GPC6: variants seen among roughly 807,000 people sequenced by gnomAD.
GPC6 encodes glypican 6.
In GPC6, 14 loss-of-function variants were observed where a neutral mutation model predicts 55.2. The ratio of observed to expected loss-of-function variants is 0.25; its 90% confidence interval spans 0.17 to 0.40. The LOEUF is 0.40. Ranked by LOEUF, GPC6 falls within the 10% of genes least tolerant of loss-of-function variation. The probability of loss-of-function intolerance (pLI) is 1.00; values close to 1 mark genes in which losing one functional copy is unlikely to be tolerated. For synonymous variants in GPC6, 278 were observed against 259.6 expected (o/e 1.07, Z -0.68); for missense variants, 641 against 708.5 (o/e 0.90, Z 1.08).
chr13:93,514,145 T>C (rs1881094701), intron 1 of GPC6, among the ~76,000 whole-genome samples: 1 of 152,090 alleles, frequency 6.6e-6, no homozygotes, highest in African/African-American at 2.4e-5. Context: ...AATGCTGGGA[T>C]TACAGGTGTG....
At chr13:94,124,679 G>A (rs1264091149) in intron 4 of GPC6, among the ~76,000 whole-genome samples, 1 of 152,098 alleles carries the variant, frequency 6.6e-6, no homozygotes. Flanking sequence ...TCACATTCAA[G>A]AGTTTGAACC....
chr13:93,575,464 C>T (rs1466274092), intron 2 of GPC6, among the ~76,000 whole-genome samples: 1 of 152,146 alleles, frequency 6.6e-6, no homozygotes, highest in African/African-American at 2.4e-5. Context: ...CCCTCAGTCC[C>T]AGAGTTTCAG....
At chr13:93,798,695 G>T (rs1472650236) in intron 2 of GPC6, among the ~76,000 whole-genome samples, 1 of 152,064 alleles carries the variant, frequency 6.6e-6, no homozygotes, top group African/African-American at 2.4e-5. Context: ...GAGGCAGGCA[G>T]ATCACCTGAG....
chr13:94,187,158 C>G (rs938718982), intron 4 of GPC6: 2 of 152,130 alleles, frequency 1.3e-5, no homozygotes, highest in African/African-American at 4.8e-5. Context: ...AGTTTTTATT[C>G]TTGGTGCCTT....
At chr13:93,798,851 G>A (rs915020591) in intron 2 of GPC6, among the ~76,000 whole-genome samples, 4 of 147,076 alleles carry the variant, frequency 2.7e-5, no homozygotes, top group Non-Finnish European at 4.4e-5. Context: ...CCCAGGAGGC[G>A]GAGGTTGCAA....
In GPC6 at chr13:93,782,931, A is replaced by G. The variant is rs375842332; in HGVS notation, c.320-47223A>G. On this transcript the variant is annotated intron_variant, in intron 2 of 8. Coordinates refer to ENST00000377047, the MANE Select transcript of GPC6 (RefSeq NM_005708.5). The stretch of plus-strand genomic sequence containing the variant: ...TATGCCATGGTGGTTTGCTGCACCT[A>G]TCAATCCATCACCTAGGTATTAAGC... Among the ~76,000 whole-genome samples, 5 of 152,258 alleles carry G rather than the reference A, an allele frequency of 3.3e-5. No individual in the cohort carries two copies. The East Asian group carries it at 5.8e-4, about 18-fold the overall frequency.
Position 94,407,963 on chromosome 13 carries a change from C to T in GPC6, c.*4746C>T, listed in dbSNP as rs892976859. Among the ~76,000 whole-genome samples, 1 of 152,048 alleles carries T rather than the reference C, an allele frequency of 6.6e-6. No individual in the cohort carries two copies. Among genetic ancestry groups the T allele is most frequent in the Non-Finnish European group, 1.5e-5 (1 of 67,998 alleles). ...TTAATGCAGCTAATCATAATTATTA[C>T]AGATAAATAATGTATTTCAAGAATG... On this transcript the variant is annotated 3_prime_UTR_variant, in exon 9 of 9. Coordinates refer to ENST00000377047, the MANE Select transcript of GPC6 (RefSeq NM_005708.5).
At chr13:93,599,924 G>A (rs990344145) in intron 2 of GPC6, among the ~76,000 whole-genome samples, 9 of 152,022 alleles carry the variant, frequency 5.9e-5, no homozygotes, top group Non-Finnish European at 1.0e-4. Context: ...CATCTACCTA[G>A]TAGCTCCTTC....
At chr13:93,306,918 AG>A (rs1331590300) in intron 1 of GPC6, among the ~76,000 whole-genome samples, 2 of 152,150 alleles carry the variant, frequency 1.3e-5, no homozygotes, top group African/African-American at 4.8e-5. Flanking sequence ...CCAATAGGGT[AG>A]GGAGCATGTT....
intron 4 of GPC6, among the ~76,000 whole-genome samples, chr13:94,251,727 AAAAC>A (rs1275294315): frequency 6.9e-6 from 1 of 144,666 alleles, no homozygotes; most frequent in East Asian, 1.9e-4. Context: ...AAAAAAAACA[AAAAC>A]AAAACAAACT....
chr13:93,266,471 G>T (rs983644247), intron 1 of GPC6, among the ~76,000 whole-genome samples: 4 of 152,116 alleles, frequency 2.6e-5, no homozygotes, highest in Non-Finnish European at 5.9e-5. Context: ...AAAAGTAGAA[G>T]GAGGTTGAGT....
At position 93,955,768 on chromosome 13, in the gene GPC6, G is replaced by A. The variant is rs560508045; in HGVS notation, c.712-71961G>A. Among the ~76,000 whole-genome samples, 45 of 152,216 alleles carry A rather than the reference G, an allele frequency of 3.0e-4. 1 individual carries two copies. Among genetic ancestry groups the A allele is most frequent in the South Asian group, 8.3e-4 (4 of 4,828 alleles). On this transcript the variant is annotated intron_variant, in intron 3 of 8. Transcript: ENST00000377047. ...CGGGTAGGGTAACTGTTTTACTCTTGCAAAGCAATAAACCTTACTTTAACA... is the reference window on the plus strand; with the variant it reads ...CGGGTAGGGTAACTGTTTTACTCTTACAAAGCAATAAACCTTACTTTAACA...
chr13:94,249,985 A>G (rs778844319), intron 4 of GPC6, among the ~76,000 whole-genome samples: 11 of 152,156 alleles, frequency 7.2e-5, no homozygotes, highest in Non-Finnish European at 2.9e-5. Context: ...TGCTCTTCCT[A>G]TATTAAAGAA....
chr13:94,217,576 T>C (rs1189243265), intron 4 of GPC6, among the ~76,000 whole-genome samples: 3 of 152,200 alleles, frequency 2.0e-5, no homozygotes, highest in African/African-American at 7.2e-5. Context: ...AACAGCCTAT[T>C]AGTTATTCTG....
At chr13:94,232,070 G>A (rs181558816) in intron 4 of GPC6, among the ~76,000 whole-genome samples, 87 of 152,214 alleles carry the variant, frequency 5.7e-4, no homozygotes, top group Admixed American at 1.2e-3. Context: ...AAACAACACC[G>A]AAAAATATAT....
At chr13:93,616,628 C>G (rs1202307513) in intron 2 of GPC6, among the ~76,000 whole-genome samples, 1 of 152,044 alleles carries the variant, frequency 6.6e-6, no homozygotes, top group African/African-American at 2.4e-5. Flanking sequence ...AGGTCCCTTA[C>G]AATGTAACTA....
chr13:94,057,266 T>A (rs1229995918), intron 4 of GPC6, among the ~76,000 whole-genome samples: 1 of 152,198 alleles, frequency 6.6e-6, no homozygotes, highest in Admixed American at 6.5e-5. Context: ...CTACTGTTGC[T>A]TACAAGTGTA....
At chr13:93,827,174 T>C (rs1187377011) in intron 2 of GPC6, among the ~76,000 whole-genome samples, 1 of 152,212 alleles carries the variant, frequency 6.6e-6, no homozygotes, top group Non-Finnish European at 1.5e-5. Flanking sequence ...CAATGTGTGC[T>C]TTGTCCTCTT....
intron 1 of GPC6, among the ~76,000 whole-genome samples, chr13:93,519,205 T>C (rs1357499423): frequency 1.3e-5 from 2 of 152,138 alleles, no homozygotes; most frequent in Admixed American, 1.3e-4. Flanking sequence ...TGTATTCTTC[T>C]ACATTCAAAC....
Sources: allele counts gnomAD v4.1 joint callset (sites outside exome capture counted in the v4.1 genomes callset), GRCh38; gene constraint gnomAD v4.1.1; transcripts MANE v1.5; gene names NCBI Gene and HGNC (gene_info 2026-07-23, HGNC 2026-07-21).